Variants in FBN2 observed in about 807,000 individuals in gnomAD.
FBN2 encodes fibrillin 2, also known as fibrillin-2.
In FBN2, 105 loss-of-function variants were observed where a neutral mutation model predicts 355.6. That is an observed-to-expected ratio of 0.30 (90% CI 0.25 to 0.35). FBN2 has a LOEUF of 0.35. Among genes scored for constraint, FBN2 ranks in the 10% least tolerant of loss-of-function variants. The pLI, the probability that FBN2 is intolerant of heterozygous loss-of-function variation, is 1.00. For synonymous variants in FBN2, 1,350 were observed against 1,301.2 expected (o/e 1.04, Z -0.81); for missense variants, 3,280 against 3,758.7 (o/e 0.87, Z 3.33).
Position 128,335,507 on chromosome 5 carries a change from T to C in FBN2, c.3795A>G (p.Glu1265=). 1.2e-6 allele frequency: 2 copies of C among 1,614,028 alleles called. No individual in the cohort carries two copies. Among genetic ancestry groups the C allele is most frequent in the Non-Finnish European group, 1.7e-6 (2 of 1,179,818 alleles). ...GGGCATAACCCTCACTGCAGCTGCA[T>C]TCGTAGCTTCCCTCTGAATTTGTGC... The part of the protein sequence containing the change: ...TQCTNSEGSY[E]CSCSEGYALM... Residue 1265 remains glutamate (E), a synonymous_variant, in exon 29 of 65, where the codon GAA becomes GAG. Coordinates refer to ENST00000262464, the MANE Select transcript of FBN2 (RefSeq NM_001999.4).
intron 4 of FBN2, among the ~76,000 whole-genome samples, chr5:128,527,623 T>C (rs1341236750): frequency 1.3e-5 from 2 of 152,104 alleles, no homozygotes; most frequent in Non-Finnish European, 2.9e-5. Context: ...ATGTGTCACA[T>C]TTGCTAAAGC....
chr5:128,413,960 G>A (rs551606182), intron 7 of FBN2, among the ~76,000 whole-genome samples: 3 of 152,126 alleles, frequency 2.0e-5, no homozygotes, highest in Non-Finnish European at 4.4e-5. Flanking sequence ...TGATTGAAGT[G>A]TTAAGTGCAA....
At chr5:128,493,437 T>A (rs1256660752) in intron 5 of FBN2, among the ~76,000 whole-genome samples, 2 of 152,160 alleles carry the variant, frequency 1.3e-5, no homozygotes, top group African/African-American at 4.8e-5. Flanking sequence ...GAGCACTCAG[T>A]GTTTCAGACA....
At chr5:128,293,816 T>C (rs914789378) in intron 48 of FBN2, among the ~76,000 whole-genome samples, 3 of 152,014 alleles carry the variant, frequency 2.0e-5, no homozygotes, top group African/African-American at 7.3e-5. Flanking sequence ...AACAGGATCT[T>C]AAACTTTTCT....
intron 7 of FBN2, among the ~76,000 whole-genome samples, chr5:128,432,867 G>A (rs1263839437): frequency 2.0e-5 from 3 of 151,870 alleles, no homozygotes; most frequent in Non-Finnish European, 1.5e-5. Context: ...TATGGCTACC[G>A]AGACCTCAGG....
At chr5:128,381,983 T>G (rs1422267995) in intron 11 of FBN2, among the ~76,000 whole-genome samples, 1 of 152,080 alleles carries the variant, frequency 6.6e-6, no homozygotes, top group Non-Finnish European at 1.5e-5. Context: ...ATAGTGGACC[T>G]AAGACATTTT....
intron 7 of FBN2, among the ~76,000 whole-genome samples, chr5:128,420,275 T>A (rs921100791): frequency 2.6e-5 from 4 of 152,156 alleles, no homozygotes; most frequent in Admixed American, 2.6e-4. Context: ...TTGGAAGAGA[T>A]CTTACTTATT....
intron 6 of FBN2, among the ~76,000 whole-genome samples, chr5:128,455,007 A>G (rs886708459): frequency 6.6e-6 from 1 of 152,220 alleles, no homozygotes; most frequent in African/African-American, 2.4e-5. Flanking sequence ...ATTAATAATT[A>G]TGCCAGTTTA....
At chr5:128,408,063 C>T (rs1752977579) in intron 8 of FBN2, among the ~76,000 whole-genome samples, 1 of 152,110 alleles carries the variant, frequency 6.6e-6, no homozygotes, top group African/African-American at 2.4e-5. Flanking sequence ...AGGTTAAAAG[C>T]TCAGGAAGGG....
intron 5 of FBN2, among the ~76,000 whole-genome samples, chr5:128,488,755 A>AT (rs1195723105): frequency 6.8e-6 from 1 of 147,348 alleles, no homozygotes; most frequent in Non-Finnish European, 1.5e-5. Flanking sequence ...GTGGTGTTTG[A>AT]TTTTTTGTCC....
intron 62 of FBN2, among the ~76,000 whole-genome samples, chr5:128,266,441 T>C (rs1198836496): frequency 6.6e-6 from 1 of 152,192 alleles, no homozygotes; most frequent in African/African-American, 2.4e-5. Flanking sequence ...TGGACTCCAT[T>C]GCGAGCTCCT....
rs1561781739 is a variant in FBN2, at chr5:128,345,366, A to G, written c.3208T>C (p.Phe1070Leu). 1 of 1,614,078 alleles carries G rather than the reference A, an allele frequency of 6.2e-7. No individual in the cohort carries two copies. Among genetic ancestry groups the G allele is most frequent in the East Asian group, 2.2e-5 (1 of 44,856 alleles). Residue 1070 changes from phenylalanine to leucine, a missense_variant, in exon 24 of 65, where the codon TTT becomes CTT. Physicochemically the swap from Phe to Leu is conservative, Grantham distance 22. Coordinates refer to ENST00000262464, the MANE Select transcript of FBN2 (RefSeq NM_001999.4). ...GGCCGCAGGCAGTTACCTTTGTAAA[A>G]TGGCCGCCCAGTAAGAACATCCCCT... Reference protein sequence around the residue: ...NRGDVLTGRPFYKDINECKAF... With the variant: ...NRGDVLTGRPLYKDINECKAF...
intron 11 of FBN2, among the ~76,000 whole-genome samples, chr5:128,383,683 A>C (rs1752293408): frequency 1.3e-5 from 2 of 152,134 alleles, no homozygotes; most frequent in African/African-American, 4.8e-5. Flanking sequence ...GTCAGATCAA[A>C]TAAACTCATG....
intron 5 of FBN2, among the ~76,000 whole-genome samples, chr5:128,509,233 T>C (rs1025159120): frequency 2.0e-5 from 3 of 152,178 alleles, no homozygotes; most frequent in Admixed American, 6.6e-5. Flanking sequence ...TTTAGTTTGC[T>C]GAAAGTTGTC....
chr5:128,354,986 G>A (rs1015618368), intron 20 of FBN2, among the ~76,000 whole-genome samples: 1 of 152,174 alleles, frequency 6.6e-6, no homozygotes, highest in Non-Finnish European at 1.5e-5. Context: ...GAGGATGAGT[G>A]TAGAAAGAGA....
At chr5:128,362,330 A>T (rs1332542478) in intron 18 of FBN2, among the ~76,000 whole-genome samples, 1 of 152,220 alleles carries the variant, frequency 6.6e-6, no homozygotes, top group Non-Finnish European at 1.5e-5. Flanking sequence ...GACATTCATT[A>T]ATCTTTTCCC....
intron 61 of FBN2, 84 bp downstream of exon 61, chr5:128,273,756 A>C: frequency 7.1e-7 from 1 of 1,408,552 alleles, no homozygotes; most frequent in Non-Finnish European, 1.0e-6. Context: ...TCTTTTTTTC[A>C]GATTATACCA....
At chr5:128,287,494 G>T (rs548467145) in intron 53 of FBN2, 64 bp from the exon 54 acceptor site, 989 of 1,580,584 alleles carry the variant, frequency 6.3e-4, no homozygotes, top group Non-Finnish European at 8.3e-4. Flanking sequence ...GTAACTAAAT[G>T]TTGATGTCAT....
chr5:128,351,109 T>A, intron 20 of FBN2, 104 bp from the exon 21 acceptor site: 4 of 1,396,526 alleles, frequency 2.9e-6, no homozygotes, highest in African/African-American at 1.4e-5. Flanking sequence ...AAAAGAAAGA[T>A]TACTGGCTCA....
Sources: gnomAD v4.1 joint callset for allele counts (sites outside exome capture counted in the v4.1 genomes callset) on GRCh38, gnomAD v4.1.1 for gene constraint, MANE v1.5 for transcripts, NCBI Gene and HGNC (gene_info 2026-07-23, HGNC 2026-07-21) for gene names.